KYAT3: variants seen among roughly 807,000 people sequenced by gnomAD.
KYAT3 encodes the protein kynurenine aminotransferase 3, also known as kynurenine--oxoglutarate transaminase 3.
Under a neutral mutation model 59.0 loss-of-function variants are expected in KYAT3, and 50 were observed. The observed-to-expected ratio is 0.85, with a 90% confidence interval of 0.68 to 1.07. The LOEUF (loss-of-function observed/expected upper bound fraction) is 1.07, where lower values mean the gene tolerates loss of function less well. KYAT3 is among the 50% of genes least tolerant of loss of function. KYAT3 has a pLI of 0.00. For synonymous variants in KYAT3, 148 were observed against 177.0 expected (o/e 0.84, Z 1.30); for missense variants, 497 against 533.3 (o/e 0.93, Z 0.67).
intron 11 of KYAT3, among the ~76,000 whole-genome samples, chr1:88,948,753 A>C (rs959582698): frequency 6.6e-6 from 1 of 152,212 alleles, no homozygotes; most frequent in East Asian, 1.9e-4. Flanking sequence ...TTAAGTAAAA[A>C]GGAAACTACA....
intron 13 of KYAT3, among the ~76,000 whole-genome samples, chr1:88,936,641 A>G (rs975078732): frequency 2.0e-5 from 3 of 150,952 alleles, no homozygotes; most frequent in Non-Finnish European, 4.4e-5. Flanking sequence ...CATATTATCT[A>G]CTATATCTAT....
chr1:88,944,937 C>T (rs61766124), intron 11 of KYAT3, among the ~76,000 whole-genome samples: 28 of 152,024 alleles, frequency 1.8e-4, no homozygotes, highest in African/African-American at 5.8e-4. Context: ...TCCACTTCCC[C>T]GGTTCAAGCA....
At chr1:88,975,332 T>C (rs937252793) in intron 2 of KYAT3, among the ~76,000 whole-genome samples, 14 of 152,160 alleles carry the variant, frequency 9.2e-5, no homozygotes, top group African/African-American at 3.4e-4. Flanking sequence ...TTTGTATTTT[T>C]AGGAGAGACT....
intron 11 of KYAT3, among the ~76,000 whole-genome samples, chr1:88,945,639 A>T (rs1675412437): frequency 6.6e-6 from 1 of 152,184 alleles, no homozygotes; most frequent in South Asian, 2.1e-4. Context: ...ATAAATATTA[A>T]CTAGTCAGCC....
chr1:88,960,634 C>T (rs565252494), intron 8 of KYAT3, among the ~76,000 whole-genome samples: 2 of 152,198 alleles, frequency 1.3e-5, no homozygotes, highest in South Asian at 2.1e-4. Context: ...AAGGGAGGTG[C>T]GAAGACCCAA....
the KYAT3 span, among the ~76,000 whole-genome samples, chr1:88,929,081 C>A: frequency 6.6e-6 from 1 of 151,972 alleles, no homozygotes; most frequent in Non-Finnish European, 1.5e-5. Context: ...GCAAAGAATG[C>A]CCGTCCTGCT....
In KYAT3 at chr1:88,969,458, G is replaced by A; in HGVS notation, c.109C>T (p.Leu37=). The A allele has an allele frequency of 1.3e-6, 2 of 1,575,714 alleles. No homozygotes were observed. The highest frequency in any genetic ancestry group is 1.3e-5 in the African/African-American group (1 of 74,114). The stretch of plus-strand genomic sequence containing the variant: ...ATCCGTTTTGCATTTGTGAATTTCA[G>A]TGACATTTTCTGAAATATATAAATA... ...LGFSTSAKMS[L]KFTNAKRIEG... The change falls in exon 3 of 14, where the codon CTG becomes TTG. Residue 37 remains leucine, a synonymous_variant. Coordinates refer to ENST00000260508, the MANE Select transcript of KYAT3 (RefSeq NM_001008661.3).
Position 88,968,752 on chromosome 1 carries a change from T to C in KYAT3, c.221A>G (p.Asp74Gly), listed in dbSNP as rs1464234019. 8.1e-6 allele frequency: 13 copies of C among 1,601,756 alleles called. No homozygotes were observed. The highest frequency in any genetic ancestry group is 1.1e-5 in the Non-Finnish European group (13 of 1,176,672). Residue 74 changes from aspartate (D) to glycine (G), a missense_variant, in exon 4 of 14, where the codon GAT becomes GGT. This residue lies in a region of KYAT3 where 469 missense variants were observed against 479.1 expected (regional missense o/e 0.98). Transcript: ENST00000260508. ...SVVNLGQGFP[D>G]ISPPTYVKEE... Reference sequence around the variant, plus strand: ...TTTTACATATGTAGGAGGGGATATATCTGGAAAGCCTTGGCCAAGATTCAC... The same window carrying C: ...TTTTACATATGTAGGAGGGGATATACCTGGAAAGCCTTGGCCAAGATTCAC...
At chr1:88,962,699 G>A (rs1156546814) in intron 5 of KYAT3, among the ~76,000 whole-genome samples, 6 of 152,150 alleles carry the variant, frequency 3.9e-5, no homozygotes, top group East Asian at 3.9e-4. Flanking sequence ...GGGTTTCGCC[G>A]TGTTGCCCAG....
intron 2 of KYAT3, among the ~76,000 whole-genome samples, chr1:88,972,529 T>G (rs1174994913): frequency 6.6e-6 from 1 of 152,170 alleles, no homozygotes; most frequent in Non-Finnish European, 1.5e-5. Context: ...CTAAAGTTCG[T>G]TTATGCTTCA....
chr1:88,984,075 G>A (rs759468515), intron 2 of KYAT3: 7 of 433,416 alleles, frequency 1.6e-5, no homozygotes, highest in African/African-American at 1.5e-4. Context: ...TCCTGTAATG[G>A]TGGAAGAAAT....
downstream of KYAT3, among the ~76,000 whole-genome samples, chr1:88,932,482 C>T (rs759342836): frequency 1.2e-4 from 18 of 151,924 alleles, no homozygotes; most frequent in African/African-American, 1.9e-4. Context: ...TATACAATGC[C>T]GCAACAGACA....
downstream of KYAT3, among the ~76,000 whole-genome samples, chr1:88,935,595 G>A (rs1452053145): frequency 6.6e-6 from 1 of 152,168 alleles, no homozygotes; most frequent in African/African-American, 2.4e-5. Flanking sequence ...GCTAATCTAT[G>A]TGGACCTGAA....
intron 13 of KYAT3, among the ~76,000 whole-genome samples, chr1:88,937,586 T>C (rs1330441573): frequency 6.6e-6 from 1 of 152,188 alleles, no homozygotes; most frequent in Admixed American, 6.5e-5. Context: ...TATGGAATAT[T>C]TTCATAGTAC....
intron 4 of KYAT3, 78 bp from the exon 5 acceptor site, chr1:88,965,056 G>A (rs1676293641): frequency 1.8e-6 from 2 of 1,121,994 alleles, no homozygotes; most frequent in Admixed American, 5.8e-5. Flanking sequence ...GCTCTAAAAT[G>A]TAAGAATTTT....
intron 2 of KYAT3, 110 bp downstream of exon 2, chr1:88,988,142 G>C: frequency 1.5e-6 from 1 of 685,154 alleles, no homozygotes; most frequent in Non-Finnish European, 2.5e-6. Context: ...ATATGTAATA[G>C]AAATGTTCAT....
At chr1:88,934,108 T>C (rs138044952), downstream of KYAT3, among the ~76,000 whole-genome samples, 474 of 152,322 alleles carry the variant, frequency 3.1e-3, 3 homozygotes, top group African/African-American at 0.011. Flanking sequence ...TTAATCATGC[T>C]ACTGTGGTAG....
At chr1:88,991,586 C>G (rs527370625) in intron 1 of KYAT3, among the ~76,000 whole-genome samples, 1 of 152,178 alleles carries the variant, frequency 6.6e-6, no homozygotes, top group Non-Finnish European at 1.5e-5. Flanking sequence ...TGGAAGGATG[C>G]GCTTCAAAGC....
At chr1:88,972,198 T>C (rs1183949610) in intron 2 of KYAT3, among the ~76,000 whole-genome samples, 1 of 152,216 alleles carries the variant, frequency 6.6e-6, no homozygotes, top group African/African-American at 2.4e-5. Flanking sequence ...TCCCTCTTCC[T>C]TGAGGACCTC....
Sources: allele counts gnomAD v4.1 joint callset (sites outside exome capture counted in the v4.1 genomes callset), GRCh38; gene constraint gnomAD v4.1.1; regional missense constraint gnomAD v4.1.1; transcripts MANE v1.5; gene names NCBI Gene and HGNC (gene_info 2026-07-23, HGNC 2026-07-21).